B3GALT1: variants seen among roughly 807,000 people sequenced by gnomAD.
The protein encoded by B3GALT1 is UDP-Gal:betaGlcNAc beta 1,3-galactosyltransferase, polypeptide 1.
B3GALT1 carries 10 observed loss-of-function variants against 23.2 expected under a neutral mutation model. The ratio of observed to expected loss-of-function variants is 0.43; its 90% confidence interval spans 0.27 to 0.73. The LOEUF is 0.73. Among genes scored for constraint, B3GALT1 ranks in the 30% least tolerant of loss-of-function variants. B3GALT1 has a pLI of 0.21. For synonymous variants in B3GALT1, 156 were observed against 141.5 expected, an observed-to-expected ratio of 1.10 and a Z score of -0.73; for missense variants, 299 against 405.4, an observed-to-expected ratio of 0.74 and a Z score of 2.25.
intron 4 of B3GALT1, among the ~76,000 whole-genome samples, chr2:167,825,945 A>G (rs913460321): frequency 6.6e-6 from 1 of 152,228 alleles, no homozygotes; most frequent in African/African-American, 2.4e-5. Context: ...AATTCAGAGC[A>G]AATGTTACAA....
chr2:167,362,668 C>CT (rs2105263866), intron 1 of B3GALT1, among the ~76,000 whole-genome samples: 1 of 152,012 alleles, frequency 6.6e-6, no homozygotes, highest in East Asian at 1.9e-4. Flanking sequence ...TCTCCCCTTC[C>CT]TGAGGACCTT....
chr2:167,373,746 A>G (rs1233420243), intron 1 of B3GALT1, among the ~76,000 whole-genome samples: 1 of 152,068 alleles, frequency 6.6e-6, no homozygotes, highest in Non-Finnish European at 1.5e-5. Flanking sequence ...TTTAGTAGAG[A>G]TGGGGTTTCT....
chr2:167,721,592 C>G (rs530961053), intron 3 of B3GALT1, among the ~76,000 whole-genome samples: 91 of 152,242 alleles, frequency 6.0e-4, no homozygotes, highest in Admixed American at 1.7e-3. Context: ...AAGAATCAGA[C>G]CTCAAAATAG....
At chr2:167,315,945 C>T (rs1475183779) in intron 1 of B3GALT1, among the ~76,000 whole-genome samples, 1 of 152,104 alleles carries the variant, frequency 6.6e-6, no homozygotes, top group Non-Finnish European at 1.5e-5. Flanking sequence ...AGATGTTTTT[C>T]AACACTCAGT....
At chr2:167,678,967 T>C (rs1199216850) in intron 3 of B3GALT1, among the ~76,000 whole-genome samples, 1 of 152,196 alleles carries the variant, frequency 6.6e-6, no homozygotes, top group Non-Finnish European at 1.5e-5. Flanking sequence ...TATTTCTATT[T>C]TTCCAAAGAC....
At chr2:167,456,713 A>G (rs765466204) in intron 1 of B3GALT1, among the ~76,000 whole-genome samples, 10 of 152,090 alleles carry the variant, frequency 6.6e-5, no homozygotes, top group Non-Finnish European at 1.5e-4. Context: ...GTTTATTATA[A>G]AGGATACAAC....
chr2:167,382,748 G>A (rs923817880), intron 1 of B3GALT1, among the ~76,000 whole-genome samples: 4 of 152,122 alleles, frequency 2.6e-5, no homozygotes, highest in Admixed American at 2.6e-4. Flanking sequence ...GGGCGGAGCA[G>A]GTCATGTCTG....
chr2:167,747,638 A>G (rs1019909057), intron 3 of B3GALT1, among the ~76,000 whole-genome samples: 2 of 152,212 alleles, frequency 1.3e-5, no homozygotes, highest in African/African-American at 4.8e-5. Flanking sequence ...TTTATGTTTA[A>G]GTGAAGAAAG....
chr2:167,502,782 G>C (rs1366480128), intron 2 of B3GALT1, among the ~76,000 whole-genome samples: 2 of 152,208 alleles, frequency 1.3e-5, no homozygotes, highest in African/African-American at 4.8e-5. Flanking sequence ...GCTCACGCCT[G>C]TAATCCCAAC....
chr2:167,346,110 A>G (rs1315194456), intron 1 of B3GALT1, among the ~76,000 whole-genome samples: 3 of 151,972 alleles, frequency 2.0e-5, no homozygotes, highest in African/African-American at 7.3e-5. Context: ...TTTTAAATAA[A>G]TATATTTTAC....
At chr2:167,444,293 A>G (rs893344042) in intron 1 of B3GALT1, among the ~76,000 whole-genome samples, 2 of 152,180 alleles carry the variant, frequency 1.3e-5, no homozygotes, top group Non-Finnish European at 2.9e-5. Flanking sequence ...GGATTTTTGC[A>G]TTGATGGTCA....
rs143040598 is a variant in B3GALT1, at chr2:167,657,776, A to G, written c.-352+10810A>G. Among the ~76,000 whole-genome samples, 19 of 152,268 alleles carry G rather than the reference A, an allele frequency of 1.2e-4. No individual in the cohort carries two copies. In the East Asian group the frequency reaches 1.9e-3, roughly 15 times the overall value. Reference sequence around the variant, plus strand: ...TCAGGACATTTACCAATAAACATCAATTTAAATTAATGTGGTCTATTTTAT... The same window carrying G: ...TCAGGACATTTACCAATAAACATCAGTTTAAATTAATGTGGTCTATTTTAT... On this transcript the variant is annotated intron_variant, in intron 3 of 4. Coordinates refer to ENST00000392690, the MANE Select transcript of B3GALT1 (RefSeq NM_020981.4).
intron 2 of B3GALT1, among the ~76,000 whole-genome samples, chr2:167,609,266 A>G (rs757929719): frequency 2.0e-5 from 3 of 152,174 alleles, no homozygotes; most frequent in Non-Finnish European, 4.4e-5. Flanking sequence ...GAGAAACCTT[A>G]AAGAAGGAAA....
chr2:167,822,966 T>G (rs530922429), intron 4 of B3GALT1, among the ~76,000 whole-genome samples: 1 of 152,288 alleles, frequency 6.6e-6, no homozygotes, highest in Non-Finnish European at 1.5e-5. Flanking sequence ...TAGCCTTCCT[T>G]AGAGTTGGGC....
chr2:167,549,142 G>T (rs1254302102), intron 2 of B3GALT1, among the ~76,000 whole-genome samples: 1 of 152,114 alleles, frequency 6.6e-6, no homozygotes, highest in Non-Finnish European at 1.5e-5. Context: ...AATATTTAGA[G>T]AATTGTATTA....
chr2:167,335,014 G>C (rs1697037205), intron 1 of B3GALT1, among the ~76,000 whole-genome samples: 1 of 152,086 alleles, frequency 6.6e-6, no homozygotes, highest in Non-Finnish European at 1.5e-5. Context: ...TTACTCTCTT[G>C]CTAAGGCATT....
chr2:167,373,098 G>A (rs185778541), intron 1 of B3GALT1, among the ~76,000 whole-genome samples: 4 of 151,878 alleles, frequency 2.6e-5, no homozygotes, highest in Non-Finnish European at 5.9e-5. Flanking sequence ...TTTACATAAG[G>A]TTCTAAGATA....
intron 3 of B3GALT1, among the ~76,000 whole-genome samples, chr2:167,810,858 G>T (rs1688874646): frequency 1.3e-5 from 2 of 152,296 alleles, no homozygotes; most frequent in South Asian, 4.1e-4. Flanking sequence ...CTGTTAAAAT[G>T]TACAGCTTCC....
intron 2 of B3GALT1, among the ~76,000 whole-genome samples, chr2:167,614,450 C>A (rs868387512): frequency 6.6e-6 from 1 of 151,662 alleles, no homozygotes; most frequent in African/African-American, 2.4e-5. Context: ...TCAATTGTCT[C>A]TGAATCCATT....
Sources: gnomAD v4.1 joint callset for allele counts (sites outside exome capture counted in the v4.1 genomes callset) on GRCh38, gnomAD v4.1.1 for gene constraint, MANE v1.5 for transcripts, NCBI Gene and HGNC (gene_info 2026-07-23, HGNC 2026-07-21) for gene names.